The following CNOT6 variants were observed in gnomAD, a reference collection of about 807,000 sequenced individuals.
CNOT6 encodes CCR4-NOT transcription complex subunit 6.
In CNOT6, 12 loss-of-function variants were observed where a neutral mutation model predicts 61.2. The ratio of observed to expected loss-of-function variants is 0.20; its 90% confidence interval spans 0.13 to 0.32. The LOEUF (loss-of-function observed/expected upper bound fraction) is 0.32. Among genes scored for constraint, CNOT6 ranks in the 10% least tolerant of loss-of-function variants. The pLI is 1.00. For synonymous variants in CNOT6, 225 were observed against 240.6 expected (o/e 0.94, Z 0.60); for missense variants, 405 against 663.9 (o/e 0.61, Z 4.28).
intron 1 of CNOT6, among the ~76,000 whole-genome samples, chr5:180,526,216 A>G (rs765434204): frequency 7.2e-6 from 1 of 139,120 alleles, no homozygotes; most frequent in African/African-American, 2.5e-5. Context: ...TGTTTTTGCT[A>G]TAGAGAGAAT....
At chr5:180,531,621 G>T (rs1315760153) in intron 2 of CNOT6, among the ~76,000 whole-genome samples, 2 of 152,236 alleles carry the variant, frequency 1.3e-5, no homozygotes, top group Non-Finnish European at 2.9e-5. Flanking sequence ...CACTTTGGGA[G>T]GCCAAGGCAG....
intron 4 of CNOT6, among the ~76,000 whole-genome samples, chr5:180,554,737 G>A (rs1759795771): frequency 6.6e-6 from 1 of 152,092 alleles, no homozygotes; most frequent in South Asian, 2.1e-4. Flanking sequence ...AAAGTACTGT[G>A]TGGCAAAGTG....
chr5:180,497,272 A>C (rs1341017512), intron 1 of CNOT6, among the ~76,000 whole-genome samples: 1 of 150,410 alleles, frequency 6.6e-6, no homozygotes, highest in African/African-American at 2.5e-5. Flanking sequence ...GATTGCAGTG[A>C]GCCAGGATCA....
intron 1 of CNOT6, among the ~76,000 whole-genome samples, chr5:180,515,943 C>T (rs573344208): frequency 6.6e-6 from 1 of 152,232 alleles, no homozygotes; most frequent in Non-Finnish European, 1.5e-5. Context: ...GGTCTCACCG[C>T]GTTACCCAGG....
At chr5:180,536,026 C>T (rs1452035381) in intron 2 of CNOT6, among the ~76,000 whole-genome samples, 5 of 93,192 alleles carry the variant, frequency 5.4e-5, no homozygotes, top group African/African-American at 1.7e-4. Context: ...TTGACAGTCT[C>T]ACTCTGTTGC....
intron 2 of CNOT6, among the ~76,000 whole-genome samples, chr5:180,543,362 A>G (rs954986754): frequency 2.0e-5 from 3 of 152,094 alleles, no homozygotes; most frequent in Non-Finnish European, 4.4e-5. Context: ...CCCGGCCTGC[A>G]CTCTGATTTT....
At chr5:180,495,497 A>C (rs752926119) in intron 1 of CNOT6, 4 of 152,188 alleles carry the variant, frequency 2.6e-5, no homozygotes, top group Non-Finnish European at 4.4e-5. Context: ...CTGCTAACCA[A>C]CACCTGTGGC....
chr5:180,544,861 A>T (rs1396753446), intron 2 of CNOT6, among the ~76,000 whole-genome samples: 1 of 152,168 alleles, frequency 6.6e-6, no homozygotes, highest in Non-Finnish European at 1.5e-5. Flanking sequence ...TGGGAAGCTG[A>T]AGCAGGAGGA....
In CNOT6 at chr5:180,529,297, G is replaced by GC; in HGVS notation, c.26dup (p.Asp10Ter). ...CAGGCATGCCCAAAGAAAAATACGA[G>GC]CCCCCTGACCCTCGGAGGATGTATA... On this transcript the variant is annotated frameshift_variant, in exon 2 of 12. Coordinates refer to ENST00000261951, the MANE Select transcript of CNOT6 (RefSeq NM_001370472.1). LOFTEE classifies it high-confidence loss of function. 6.2e-7 allele frequency: 1 copy of GC among 1,611,620 alleles called. No individual in the cohort carries two copies. Among genetic ancestry groups the GC allele is most frequent in the Non-Finnish European group, 8.5e-7 (1 of 1,178,314 alleles).
chr5:180,555,946 G>T (rs1242723396), intron 4 of CNOT6, among the ~76,000 whole-genome samples: 1 of 152,142 alleles, frequency 6.6e-6, no homozygotes, highest in African/African-American at 2.4e-5. Context: ...CAGTACTACA[G>T]TTAAAGGCAG....
At chr5:180,529,685 G>A (rs984145185) in intron 2 of CNOT6, among the ~76,000 whole-genome samples, 4 of 152,202 alleles carry the variant, frequency 2.6e-5, no homozygotes, top group Non-Finnish European at 4.4e-5. Flanking sequence ...CACATGTGAA[G>A]TGCTAGTGCC....
intron 4 of CNOT6, among the ~76,000 whole-genome samples, chr5:180,554,169 A>G (rs1034703890): frequency 1.3e-5 from 2 of 152,136 alleles, no homozygotes; most frequent in African/African-American, 4.8e-5. Context: ...TGTAATCACA[A>G]AACTTTGGGA....
chr5:180,553,281 A>AT, intron 3 of CNOT6, 105 bp from the exon 4 acceptor site: 2 of 716,256 alleles, frequency 2.8e-6, no homozygotes, highest in South Asian at 1.9e-5. Context: ...ATAACGTAAC[A>AT]TTTTTTCATT....
intron 1 of CNOT6, among the ~76,000 whole-genome samples, chr5:180,516,530 G>A (rs544820436): frequency 6.6e-6 from 1 of 152,260 alleles, no homozygotes; most frequent in African/African-American, 2.4e-5. Context: ...AAGATTGCCT[G>A]TAACTCAGTC....
chr5:180,555,060 G>A (rs1759814224), intron 4 of CNOT6, among the ~76,000 whole-genome samples: 1 of 151,446 alleles, frequency 6.6e-6, no homozygotes, highest in Non-Finnish European at 1.5e-5. Flanking sequence ...CTAGAGTGCA[G>A]TGGCATCATG....
Position 180,577,890 on chromosome 5 carries a change from T to C in CNOT6, c.*3690T>C, listed in dbSNP as rs1761079383. On this transcript the variant is annotated 3_prime_UTR_variant, in exon 12 of 12. Transcript: ENST00000261951. The stretch of plus-strand genomic sequence containing the variant: ...GTCAAATTGTAATTAGCTAGCATTA[T>C]ATTTATATACAGGGTCTTTTTTCTT... 1 of 152,704 alleles carries C rather than the reference T, an allele frequency of 6.5e-6. No homozygotes were observed. The highest frequency in any genetic ancestry group is 1.5e-5 in the Non-Finnish European group (1 of 68,050). 9.5% of individuals were successfully genotyped at this position (152,704 alleles called of 1,614,324 possible).
At chr5:180,514,159 C>T (rs920047844) in intron 1 of CNOT6, among the ~76,000 whole-genome samples, 2 of 151,916 alleles carry the variant, frequency 1.3e-5, no homozygotes, top group African/African-American at 4.8e-5. Context: ...CAGAAGTCAG[C>T]TTCACCGTAA....
intron 2 of CNOT6, 51 bp from the exon 3 acceptor site, chr5:180,549,880 A>G: frequency 7.3e-7 from 1 of 1,361,360 alleles, no homozygotes; most frequent in Non-Finnish European, 1.0e-6. Context: ...TCTACAGAAC[A>G]AAATGTAGAG....
At chr5:180,555,669 CTGCTTTACTTCTTAAAGCAAT>C (rs1203534151) in intron 4 of CNOT6, among the ~76,000 whole-genome samples, 1 of 152,198 alleles carries the variant, frequency 6.6e-6, no homozygotes, top group Non-Finnish European at 1.5e-5. Context: ...GGTAGAGCTG[CTGCTTTACTTCTTAAAGCAAT>C]TGTATCATCT....
Sources: gnomAD v4.1 joint callset for allele counts (sites outside exome capture counted in the v4.1 genomes callset) on GRCh38, gnomAD v4.1.1 for gene constraint, MANE v1.5 for transcripts, NCBI Gene and HGNC (gene_info 2026-07-23, HGNC 2026-07-21) for gene names.